DOCK1: variants seen among roughly 807,000 people sequenced by gnomAD.
DOCK1 encodes dedicator of cytokinesis 1.
In DOCK1, 138 loss-of-function variants were observed where a neutral mutation model predicts 262.7. The ratio of observed to expected loss-of-function variants is 0.53; its 90% confidence interval spans 0.46 to 0.61. The LOEUF (loss-of-function observed/expected upper bound fraction) is 0.61, where lower values mean the gene tolerates loss of function less well. DOCK1 is among the 20% of genes least tolerant of loss of function. The probability of loss-of-function intolerance (pLI) is 0.00; values close to 1 mark genes in which losing one functional copy is unlikely to be tolerated. For missense variants in DOCK1, 1,908 were observed against 2,370.7 expected (o/e 0.80, Z 4.05); for synonymous variants, 866 against 867.4 (o/e 1.00, Z 0.03).
chr10:127,226,117 G>A (rs979230971), intron 27 of DOCK1, among the ~76,000 whole-genome samples: 15 of 151,118 alleles, frequency 9.9e-5, no homozygotes, highest in African/African-American at 3.6e-4. Context: ...AATAGCATAT[G>A]CTTCTCCTTA....
At chr10:127,272,910 A>G (rs2060620085) in intron 29 of DOCK1, among the ~76,000 whole-genome samples, 1 of 152,162 alleles carries the variant, frequency 6.6e-6, no homozygotes, top group Non-Finnish European at 1.5e-5. Context: ...GAACAGCACG[A>G]AAGACCTGCC....
intron 23 of DOCK1, among the ~76,000 whole-genome samples, chr10:127,093,251 T>TCTTTCTTTCTTTCTTTC (rs1169950905): frequency 9.1e-6 from 1 of 109,428 alleles, no homozygotes; most frequent in African/African-American, 5.1e-5. Context: ...TCTTTTTTTT[T>TCTTTCTTTCTTTCTTTC]TTTTTTTTTT....
At chr10:127,061,856 TAC>T in intron 23 of DOCK1, 80 bp downstream of exon 23, 1 of 1,104,656 alleles carries the variant, frequency 9.1e-7, no homozygotes, top group Non-Finnish European at 1.3e-6. Flanking sequence ...GTATTTTGAT[TAC>T]AGTTAATTAA....
intron 21 of DOCK1, among the ~76,000 whole-genome samples, chr10:127,049,121 A>G (rs976531521): frequency 6.6e-6 from 1 of 152,230 alleles, no homozygotes; most frequent in East Asian, 1.9e-4. Flanking sequence ...TAAAACAAAC[A>G]TAAAAGGAAA....
intron 11 of DOCK1, among the ~76,000 whole-genome samples, chr10:127,011,609 T>C (rs1355084776): frequency 6.6e-6 from 1 of 152,196 alleles, no homozygotes; most frequent in Non-Finnish European, 1.5e-5. Context: ...TCCTGGTTCA[T>C]GGGCCCTGAA....
At chr10:126,986,212 G>A (rs866311995) in intron 4 of DOCK1, among the ~76,000 whole-genome samples, 1 of 152,036 alleles carries the variant, frequency 6.6e-6, no homozygotes, top group Non-Finnish European at 1.5e-5. Context: ...CTGATGTCTG[G>A]TTCTGGAACT....
At position 127,384,855 on chromosome 10, in the gene DOCK1, A is replaced by T. The variant is rs745609371; in HGVS notation, c.3873A>T (p.Gly1291=). The T allele has an allele frequency of 3.7e-6, 6 of 1,609,682 alleles. No individual in the cohort carries two copies. The highest frequency in any genetic ancestry group is 1.7e-5 in the Admixed American group (1 of 58,546). The change falls in exon 38 of 52, where the codon GGA becomes GGT. Residue 1291 remains glycine (G), a synonymous_variant. Coordinates refer to ENST00000623213, the MANE Select transcript of DOCK1 (RefSeq NM_001290223.2). ...ACGGGTACCAGGCCACCACGCAGGG[A>T]CAGCTGAAGGAGCAGCTCTACCAGG... is the stretch of plus-strand genomic sequence containing the variant. ...QRDGYQATTQ[G]QLKEQLYQEI... is the part of the protein sequence containing the mutation.
At chr10:127,152,928 A>C (rs1453868489) in intron 27 of DOCK1, among the ~76,000 whole-genome samples, 1 of 152,192 alleles carries the variant, frequency 6.6e-6, no homozygotes, top group Non-Finnish European at 1.5e-5. Flanking sequence ...GGCCAGGTCT[A>C]GGCTTTCCCT....
chr10:127,152,697 T>C (rs998471475), intron 27 of DOCK1, among the ~76,000 whole-genome samples: 4 of 152,202 alleles, frequency 2.6e-5, no homozygotes, highest in Non-Finnish European at 5.9e-5. Context: ...GCTCCTCAGT[T>C]GTGGCAACTG....
At chr10:127,164,894 G>C (rs565310790) in intron 27 of DOCK1, among the ~76,000 whole-genome samples, 2 of 152,334 alleles carry the variant, frequency 1.3e-5, no homozygotes, top group East Asian at 3.9e-4. Context: ...ATTTGGCCCA[G>C]AAGGCACCAG....
At chr10:127,214,318 G>C (rs1288158817) in intron 27 of DOCK1, among the ~76,000 whole-genome samples, 1 of 152,190 alleles carries the variant, frequency 6.6e-6, no homozygotes, top group East Asian at 1.9e-4. Context: ...TCTCTACACA[G>C]ATTTGGGATT....
chr10:127,118,569 T>C (rs1215812154), intron 25 of DOCK1, among the ~76,000 whole-genome samples: 1 of 152,224 alleles, frequency 6.6e-6, no homozygotes, highest in African/African-American at 2.4e-5. Context: ...CAAACTTCTT[T>C]TTCCTGTTGT....
At chr10:127,252,501 AG>A (rs1429436230) in intron 28 of DOCK1, among the ~76,000 whole-genome samples, 1 of 139,988 alleles carries the variant, frequency 7.1e-6, no homozygotes, top group South Asian at 2.8e-4. Context: ...GTTTTCTTCT[AG>A]GGTTTTTATG....
chr10:127,075,169 CAAAAAAAAAAAAA>C (rs71032536), intron 23 of DOCK1, among the ~76,000 whole-genome samples: 12 of 64,322 alleles, frequency 1.9e-4, no homozygotes, highest in African/African-American at 2.8e-4. Context: ...AACTCTGTCT[CAAAAAAAAAAAAA>C]AAAAAAAAAA....
intron 29 of DOCK1, among the ~76,000 whole-genome samples, chr10:127,281,688 C>G (rs1333040463): frequency 2.0e-5 from 3 of 152,120 alleles, no homozygotes; most frequent in African/African-American, 7.2e-5. Context: ...CAGAGGTCAG[C>G]AGAAGACACG....
intron 13 of DOCK1, among the ~76,000 whole-genome samples, chr10:127,022,336 T>A (rs2042493842): frequency 6.6e-6 from 1 of 152,122 alleles, no homozygotes; most frequent in Admixed American, 6.5e-5. Flanking sequence ...TTTATTTTTA[T>A]TTTATTTTAT....
At chr10:127,113,964 A>G (rs558629832) in intron 25 of DOCK1, among the ~76,000 whole-genome samples, 1 of 152,330 alleles carries the variant, frequency 6.6e-6, no homozygotes, top group South Asian at 2.1e-4. Flanking sequence ...ATGTTCAGCC[A>G]GCTCTCTGGG....
intron 1 of DOCK1, among the ~76,000 whole-genome samples, chr10:126,957,105 A>AG (rs1159365400): frequency 2.6e-5 from 4 of 152,218 alleles, no homozygotes; most frequent in Admixed American, 6.5e-5. Context: ...AACAGGCACT[A>AG]GGCTTTATTG....
chr10:127,307,765 C>T (rs1469846268), intron 29 of DOCK1, among the ~76,000 whole-genome samples: 2 of 152,260 alleles, frequency 1.3e-5, no homozygotes, highest in Non-Finnish European at 2.9e-5. Context: ...ATCTCAGGGA[C>T]ATCCTGCTGC....
Sources: allele counts gnomAD v4.1 joint callset (sites outside exome capture counted in the v4.1 genomes callset), GRCh38; gene constraint gnomAD v4.1.1; transcripts MANE v1.5; gene names NCBI Gene and HGNC (gene_info 2026-07-23, HGNC 2026-07-21).